The following BACE2 variants were observed in gnomAD, a reference collection of about 807,000 sequenced individuals.
BACE2 encodes beta-secretase 2, also known as 56 kDa aspartic-like protease.
A neutral mutation model predicts 46.2 loss-of-function variants in BACE2; 17 were observed. That is an observed-to-expected ratio of 0.37 (90% CI 0.25 to 0.55). The LOEUF (loss-of-function observed/expected upper bound fraction) is 0.55, where lower values mean the gene tolerates loss of function less well. Ranked by LOEUF, BACE2 falls within the 20% of genes least tolerant of loss-of-function variation. The probability of loss-of-function intolerance (pLI) is 0.82; values close to 1 mark genes in which losing one functional copy is unlikely to be tolerated. For missense variants in BACE2, 595 were observed against 698.1 expected, an observed-to-expected ratio of 0.85 and a Z score of 1.66; for synonymous variants, 277 against 295.9, an observed-to-expected ratio of 0.94 and a Z score of 0.66.
chr21:41,275,225 C>A, intron 8 of BACE2, 146 bp from the exon 9 acceptor site: 1 of 1,112,576 alleles, frequency 9.0e-7, no homozygotes, highest in Non-Finnish European at 1.3e-6. Context: ...CGTGACCCCA[C>A]TCAGTGCTTC....
intron 1 of BACE2, among the ~76,000 whole-genome samples, chr21:41,191,222 AT>A (rs1245995754): frequency 1.4e-4 from 21 of 152,270 alleles, no homozygotes; most frequent in Admixed American, 8.5e-4. Flanking sequence ...CCTAGTTGGC[AT>A]TGTAATTGTG....
intron 1 of BACE2, among the ~76,000 whole-genome samples, chr21:41,205,238 C>T (rs1376838671): frequency 1.3e-5 from 2 of 152,220 alleles, no homozygotes; most frequent in East Asian, 3.8e-4. Flanking sequence ...CATTAACATA[C>T]TCACATACAA....
chr21:41,213,549 C>T (rs765573813), intron 1 of BACE2, among the ~76,000 whole-genome samples: 1 of 152,074 alleles, frequency 6.6e-6, no homozygotes, highest in Non-Finnish European at 1.5e-5. Flanking sequence ...CCAAGGCGGG[C>T]GGATCACCAG....
At chr21:41,224,631 G>A (rs1986756520) in intron 1 of BACE2, among the ~76,000 whole-genome samples, 1 of 152,164 alleles carries the variant, frequency 6.6e-6, no homozygotes, top group African/African-American at 2.4e-5. Flanking sequence ...ATAGATGCTG[G>A]GCATAAAATG....
chr21:41,181,884 C>A (rs56862917), intron 1 of BACE2: 10,743 of 167,016 alleles, frequency 0.064, 983 homozygotes, highest in African/African-American at 0.21. Context: ...TTCTATGATG[C>A]TATAATTTTT....
chr21:41,256,651 A>G (rs1349228768), intron 7 of BACE2, among the ~76,000 whole-genome samples: 1 of 152,182 alleles, frequency 6.6e-6, no homozygotes, highest in Admixed American at 6.5e-5. Context: ...CTAGCCTGGA[A>G]GCCCCACTTT....
rs1428182713 is a variant in BACE2, at chr21:41,222,080, C to T, written c.313-4186C>T. ...CTCTGGGTTCCAGCCTCAGCTCTGC[C>T]ACTTACCCTTGTAGAGTTGAGCAAG... On this transcript the variant is annotated intron_variant, in intron 1 of 8. Coordinates refer to ENST00000330333, the MANE Select transcript of BACE2 (RefSeq NM_012105.5). 2.6e-5 allele frequency among the ~76,000 whole-genome samples: 4 copies of T among 152,288 alleles called. No individual in the cohort carries two copies. In the East Asian group the frequency reaches 7.7e-4, roughly 29 times the overall value.
intron 1 of BACE2, among the ~76,000 whole-genome samples, chr21:41,214,181 T>A (rs376412233): frequency 6.6e-6 from 1 of 152,176 alleles, no homozygotes; most frequent in South Asian, 2.1e-4. Flanking sequence ...GGAACCCACC[T>A]CTTCCAGGTG....
chr21:41,184,360 CG>C (rs1985282403), intron 1 of BACE2: 1 of 167,022 alleles, frequency 6.0e-6, no homozygotes, highest in African/African-American at 2.4e-5. Flanking sequence ...GCACAGCAAG[CG>C]GATGACAATA....
chr21:41,207,272 C>A (rs1413054883), intron 1 of BACE2, among the ~76,000 whole-genome samples: 1 of 152,104 alleles, frequency 6.6e-6, no homozygotes, highest in Non-Finnish European at 1.5e-5. Flanking sequence ...AGCTAATTAG[C>A]CCTGTTAATA....
chr21:41,277,859 T>A lies in BACE2; in HGVS notation c.*2235T>A, dbSNP rs1296934186. 6.6e-6 allele frequency: 1 copy of A among 152,248 alleles called. No individual in the cohort carries two copies. The highest frequency in any genetic ancestry group is 1.9e-4 in the East Asian group (1 of 5,194). 9.4% of individuals were successfully genotyped at this position (152,248 alleles called of 1,614,324 possible). ...TATCAGATTTCTTTATCTTTTCATA[T>A]CGCATGTCATTGGATGTGACATTTT... is the stretch of plus-strand genomic sequence containing the variant. On this transcript the variant is annotated 3_prime_UTR_variant, in exon 9 of 9. Transcript: ENST00000330333.
intron 7 of BACE2, among the ~76,000 whole-genome samples, chr21:41,255,873 A>G (rs1186261710): frequency 6.6e-6 from 1 of 152,238 alleles, no homozygotes; most frequent in Non-Finnish European, 1.5e-5. Context: ...GCTCTGGCAT[A>G]ACATCACATA....
intron 2 of BACE2, among the ~76,000 whole-genome samples, chr21:41,229,609 A>G (rs1289891528): frequency 2.6e-5 from 4 of 152,014 alleles, no homozygotes; most frequent in African/African-American, 9.7e-5. Flanking sequence ...CATTATCAAG[A>G]CTATGTGCAA....
intron 8 of BACE2, among the ~76,000 whole-genome samples, chr21:41,270,068 T>C (rs544480913): frequency 6.6e-6 from 1 of 152,384 alleles, no homozygotes; most frequent in Admixed American, 6.5e-5. Context: ...GGCTTTAATT[T>C]GCATTTCCCT....
At chr21:41,232,323 G>C (rs1986988571) in intron 2 of BACE2, among the ~76,000 whole-genome samples, 1 of 152,160 alleles carries the variant, frequency 6.6e-6, no homozygotes, top group Non-Finnish European at 1.5e-5. Flanking sequence ...CCTTAGCTGA[G>C]ACACCCCACA....
intron 7 of BACE2, among the ~76,000 whole-genome samples, chr21:41,254,171 T>C (rs931802066): frequency 6.6e-6 from 1 of 152,218 alleles, no homozygotes; most frequent in African/African-American, 2.4e-5. Context: ...TACTTTAAAC[T>C]TTGTCTATAC....
intron 1 of BACE2, among the ~76,000 whole-genome samples, chr21:41,185,553 G>C (rs1461835966): frequency 6.6e-6 from 1 of 152,210 alleles, no homozygotes; most frequent in African/African-American, 2.4e-5. Context: ...TTGGCTATTA[G>C]GAAAATAATA....
At chr21:41,222,920 C>T (rs1045865403) in intron 1 of BACE2, among the ~76,000 whole-genome samples, 3 of 152,180 alleles carry the variant, frequency 2.0e-5, no homozygotes, top group African/African-American at 4.8e-5. Flanking sequence ...TGCTGTCGAC[C>T]GAGATGGTCA....
At chr21:41,257,657 A>G (rs1349761584) in intron 8 of BACE2, among the ~76,000 whole-genome samples, 1 of 152,174 alleles carries the variant, frequency 6.6e-6, no homozygotes, top group Non-Finnish European at 1.5e-5. Context: ...TAAGGAAGAA[A>G]TTTCACACAT....
Sources: allele counts gnomAD v4.1 joint callset (sites outside exome capture counted in the v4.1 genomes callset), GRCh38; gene constraint gnomAD v4.1.1; transcripts MANE v1.5; gene names NCBI Gene and HGNC (gene_info 2026-07-23, HGNC 2026-07-21).